TMPRSS11D: variants seen among roughly 807,000 people sequenced by gnomAD.
TMPRSS11D encodes the protein transmembrane serine protease 11D.
TMPRSS11D carries 32 observed loss-of-function variants against 44.4 expected under a neutral mutation model. The observed-to-expected ratio is 0.72, with a 90% CI of 0.54 to 0.97. The LOEUF (loss-of-function observed/expected upper bound fraction) is 0.97. Among genes scored for constraint, TMPRSS11D ranks in the 50% least tolerant of loss-of-function variants. The pLI, the probability that TMPRSS11D is intolerant of heterozygous loss-of-function variation, is 0.00. For synonymous variants in TMPRSS11D, 179 were observed against 177.9 expected (o/e 1.01, Z -0.05); for missense variants, 446 against 502.6 (o/e 0.89, Z 1.08).
At chr4:67,834,160 T>A (rs1402399957) in intron 6 of TMPRSS11D, among the ~76,000 whole-genome samples, 1 of 152,178 alleles carries the variant, frequency 6.6e-6, no homozygotes, top group African/African-American at 2.4e-5. Context: ...AATTTTCTTC[T>A]TTTGTGTGGT....
chr4:67,872,150 T>C (rs941324758), intron 1 of TMPRSS11D, among the ~76,000 whole-genome samples: 1 of 152,172 alleles, frequency 6.6e-6, no homozygotes, highest in Non-Finnish European at 1.5e-5. Flanking sequence ...ATGAAGCCCA[T>C]ACTAGTTTCA....
chr4:67,827,408 G>A lies in TMPRSS11D; in HGVS notation c.805C>T (p.His269Tyr). ...CTCACAAGTGCAATGTCATTTTCAT[G>A]AGTTGCAGATTTATAATTGTTATGA... ...LIHNNYKSAT[H>Y]ENDIALVRLE... The change falls in exon 8 of 10, where the codon CAT (histidine) becomes TAT (tyrosine). Residue 269 changes from histidine to tyrosine, a missense_variant. Physicochemically the swap from His to Tyr is moderately conservative, Grantham distance 83. Transcript: ENST00000283916. The A allele has an allele frequency of 6.2e-7, 1 of 1,613,176 alleles. No individual in the cohort carries two copies. The highest frequency in any genetic ancestry group is 8.5e-7 in the Non-Finnish European group (1 of 1,179,536).
At chr4:67,879,184 G>A (rs575351249) in intron 1 of TMPRSS11D, among the ~76,000 whole-genome samples, 102 of 151,556 alleles carry the variant, frequency 6.7e-4, no homozygotes, top group Non-Finnish European at 1.1e-3. Context: ...AATGTAAGAA[G>A]AAGAAAAACA....
In TMPRSS11D at chr4:67,822,502, T is replaced by TA. The variant is rs760626719; in HGVS notation, c.1096-5dup. 100 of 1,613,142 alleles carry TA rather than the reference T, an allele frequency of 6.2e-5. No individual in the cohort carries two copies. The highest frequency in any genetic ancestry group is 8.4e-5 in the Non-Finnish European group (99 of 1,179,680). On this transcript the variant is annotated splice_region_variant and splice_polypyrimidine_tract_variant and intron_variant, in intron 9 of 9. Coordinates refer to ENST00000283916, the MANE Select transcript of TMPRSS11D (RefSeq NM_004262.3). Reference sequence around the variant, plus strand: ...CTAGTGGGCCACCAGAGTCACCCTGTAAAAAAACAGAATGACTGATTACTT... The same window carrying TA: ...CTAGTGGGCCACCAGAGTCACCCTGTAAAAAAAACAGAATGACTGATTACTT...
At chr4:67,848,484 T>G (rs894816248) in intron 3 of TMPRSS11D, among the ~76,000 whole-genome samples, 4 of 152,234 alleles carry the variant, frequency 2.6e-5, no homozygotes, top group African/African-American at 9.6e-5. Flanking sequence ...CTGGCCATCA[T>G]GAAGCTTATG....
chr4:67,870,176 C>T (rs1231160742), intron 1 of TMPRSS11D, among the ~76,000 whole-genome samples: 1 of 152,150 alleles, frequency 6.6e-6, no homozygotes, highest in Non-Finnish European at 1.5e-5. Context: ...ATTAGACATC[C>T]AGGATAACCA....
intron 9 of TMPRSS11D, 55 bp downstream of exon 9, chr4:67,825,677 G>T (rs761090552): frequency 8.8e-6 from 14 of 1,583,350 alleles, no homozygotes; most frequent in Non-Finnish European, 1.1e-5. Flanking sequence ...CACATACTAG[G>T]AAGTGCTTAT....
In TMPRSS11D at chr4:67,822,326, C is replaced by A; in HGVS notation, c.*11G>T. ...GCATACAGACTTTGCAACAGGGATG[C>A]ACTTGTTGCACTAGATCCCAGTTTG... On this transcript the variant is annotated 3_prime_UTR_variant, in exon 10 of 10. Coordinates refer to ENST00000283916, the MANE Select transcript of TMPRSS11D (RefSeq NM_004262.3). The A allele has an allele frequency of 6.2e-7, 1 of 1,613,164 alleles. No individual in the cohort carries two copies. The highest frequency in any genetic ancestry group is 1.1e-5 in the South Asian group (1 of 91,010).
chr4:67,848,170 T>C (rs1373342278), intron 3 of TMPRSS11D, among the ~76,000 whole-genome samples: 1 of 152,220 alleles, frequency 6.6e-6, no homozygotes, highest in African/African-American at 2.4e-5. Context: ...GAAAAAAGTA[T>C]TTGTTGTTTG....
At chr4:67,873,088 G>T (rs776111344) in intron 1 of TMPRSS11D, among the ~76,000 whole-genome samples, 1 of 152,130 alleles carries the variant, frequency 6.6e-6, no homozygotes, top group Non-Finnish European at 1.5e-5. Flanking sequence ...AAAGCCTAGA[G>T]AAAACTTCAT....
chr4:67,841,614 A>G (rs1235872928), intron 4 of TMPRSS11D, among the ~76,000 whole-genome samples: 1 of 152,188 alleles, frequency 6.6e-6, no homozygotes, highest in Non-Finnish European at 1.5e-5. Flanking sequence ...AAAAGGCAGA[A>G]GGCTCATGTA....
At chr4:67,834,938 G>T in intron 6 of TMPRSS11D, 145 bp downstream of exon 6, 3 of 732,962 alleles carry the variant, frequency 4.1e-6, no homozygotes, top group African/African-American at 1.8e-5. Flanking sequence ...GATCAGCACT[G>T]TCTTGTTTCA....
intron 1 of TMPRSS11D, among the ~76,000 whole-genome samples, chr4:67,869,298 C>A (rs980179468): frequency 4.6e-5 from 7 of 151,532 alleles, no homozygotes; most frequent in African/African-American, 1.7e-4. Flanking sequence ...TACAGGCCTA[C>A]AATATAAATC....
At position 67,854,072 on chromosome 4, in the gene TMPRSS11D, G is replaced by C; in HGVS notation, c.245C>G (p.Ser82Cys). 1 of 1,501,688 alleles carries C rather than the reference G, an allele frequency of 6.7e-7. No homozygotes were observed. The highest frequency in any genetic ancestry group is 9.1e-7 in the Non-Finnish European group (1 of 1,103,464). 93.0% of individuals were successfully genotyped at this position (1,501,688 alleles called of 1,614,324 possible). A position where few individuals can be genotyped will look rare whatever the true frequency, so the allele number is the denominator to read the frequency against. ...EYRTLSGRIE[S>C]LITKTFKESN... The stretch of plus-strand genomic sequence containing the variant: ...CAAAGACAAATATTAACTTACCAGA[G>C]ATTCAATTCTTCCACTCAAAGTCCT... Residue 82 changes from serine to cysteine, a missense_variant, in exon 3 of 10, where the codon TCT becomes TGT. By Grantham distance (112) the Ser-to-Cys change is moderately radical. Coordinates refer to ENST00000283916, the MANE Select transcript of TMPRSS11D (RefSeq NM_004262.3).
intron 1 of TMPRSS11D, among the ~76,000 whole-genome samples, chr4:67,875,192 A>G (rs930673063): frequency 1.3e-5 from 2 of 152,118 alleles, no homozygotes; most frequent in African/African-American, 4.8e-5. Context: ...ATGCCTATAC[A>G]ATGTGTTCCT....
rs1718150607 is a variant in TMPRSS11D at position 67,838,311 on chromosome 4, C to A, written c.336G>T (p.Val112=). ...VAKLRQDGSG[V]RADVVMKFQF... is the part of the protein sequence containing the mutation. Reference sequence around the variant, plus strand: ...GAAATTTCATGACAACATCCGCTCTCACACCACTACCATCTTGCCTGTAAA... The same window carrying A: ...GAAATTTCATGACAACATCCGCTCTAACACCACTACCATCTTGCCTGTAAA... Residue 112 remains valine, a synonymous_variant, in exon 5 of 10, where the codon GTG becomes GTT. Coordinates refer to ENST00000283916, the MANE Select transcript of TMPRSS11D (RefSeq NM_004262.3). 6.3e-7 allele frequency: 1 copy of A among 1,580,144 alleles called. No homozygotes were observed. The highest frequency in any genetic ancestry group is 1.2e-5 in the South Asian group (1 of 83,652).
chr4:67,882,988 G>A (rs1719356483), intron 1 of TMPRSS11D, among the ~76,000 whole-genome samples: 1 of 151,384 alleles, frequency 6.6e-6, no homozygotes, highest in Non-Finnish European at 1.5e-5. Flanking sequence ...TTCTATCATT[G>A]GAAGCTTAGA....
intron 1 of TMPRSS11D, among the ~76,000 whole-genome samples, chr4:67,882,768 A>G (rs1719350100): frequency 6.6e-6 from 1 of 152,094 alleles, no homozygotes; most frequent in South Asian, 2.1e-4. Context: ...CTTTAGTATA[A>G]CAAACCTGAT....
chr4:67,852,642 T>A (rs1159381289), intron 3 of TMPRSS11D, among the ~76,000 whole-genome samples: 3 of 152,182 alleles, frequency 2.0e-5, no homozygotes, highest in African/African-American at 7.2e-5. Context: ...CGAAGTTAGA[T>A]ATATCATTTA....
Sources: gnomAD v4.1 joint callset for allele counts (sites outside exome capture counted in the v4.1 genomes callset) on GRCh38, gnomAD v4.1.1 for gene constraint, MANE v1.5 for transcripts, NCBI Gene and HGNC (gene_info 2026-07-23, HGNC 2026-07-21) for gene names.